Variants in CAMKMT observed in about 807,000 individuals in gnomAD.
CAMKMT encodes calmodulin-lysine N-methyltransferase.
Under a neutral mutation model 48.0 loss-of-function variants are expected in CAMKMT, and 53 were observed. That is an observed-to-expected ratio of 1.10 (90% CI 0.89 to 1.39). CAMKMT has a LOEUF of 1.39. CAMKMT is among the 40% of genes most tolerant of loss of function. The pLI is 0.00. For synonymous variants in CAMKMT, 165 were observed against 152.3 expected, an observed-to-expected ratio of 1.08 and a Z score of -0.61; for missense variants, 428 against 402.7, an observed-to-expected ratio of 1.06 and a Z score of -0.54.
chr2:44,436,454 T>C lies in CAMKMT; in HGVS notation c.376+46149T>C, dbSNP rs573635822. Reference sequence around the variant, plus strand: ...AAAGGGGACACCAATTTCCAAGGCATGCTAGGCTGGGATCATTTCAGACAA... The same window carrying C: ...AAAGGGGACACCAATTTCCAAGGCACGCTAGGCTGGGATCATTTCAGACAA... On this transcript the variant is annotated intron_variant, in intron 3 of 10. Coordinates refer to ENST00000378494, the MANE Select transcript of CAMKMT (RefSeq NM_024766.5). Among the ~76,000 whole-genome samples, 35 of 152,294 alleles carry C rather than the reference T, an allele frequency of 2.3e-4. 1 individual carries two copies. In the South Asian group the frequency reaches 6.8e-3, roughly 30 times the overall value.
chr2:44,634,579 T>C (rs1673014049), intron 3 of CAMKMT, among the ~76,000 whole-genome samples: 1 of 152,028 alleles, frequency 6.6e-6, no homozygotes, highest in Admixed American at 6.6e-5. Context: ...GTACCTACGA[T>C]GTGCTAGGTA....
chr2:44,507,753 G>T (rs1011436952), intron 3 of CAMKMT, among the ~76,000 whole-genome samples: 1 of 152,170 alleles, frequency 6.6e-6, no homozygotes, highest in African/African-American at 2.4e-5. Context: ...CAAAGCACTA[G>T]ACTGAGAGGA....
chr2:44,688,204 G>C (rs1676446632), intron 3 of CAMKMT, among the ~76,000 whole-genome samples: 1 of 151,918 alleles, frequency 6.6e-6, no homozygotes, highest in Non-Finnish European at 1.5e-5. Context: ...AAAAAAAAAA[G>C]GTGTTAAAGA....
At chr2:44,648,817 C>A (rs1283594272) in intron 3 of CAMKMT, among the ~76,000 whole-genome samples, 1 of 152,144 alleles carries the variant, frequency 6.6e-6, no homozygotes, top group Non-Finnish European at 1.5e-5. Context: ...CAGCTTTCTC[C>A]CCTAGACTAC....
At chr2:44,655,741 G>A (rs1251569464) in intron 3 of CAMKMT, among the ~76,000 whole-genome samples, 2 of 152,190 alleles carry the variant, frequency 1.3e-5, no homozygotes, top group Non-Finnish European at 2.9e-5. Flanking sequence ...AGGAGACAGG[G>A]GAGGCGGGGA....
At chr2:44,529,417 C>G (rs1323268102) in intron 3 of CAMKMT, among the ~76,000 whole-genome samples, 1 of 152,060 alleles carries the variant, frequency 6.6e-6, no homozygotes, top group Non-Finnish European at 1.5e-5. Flanking sequence ...AGGAGTATAC[C>G]TACCATGTAA....
chr2:44,662,801 C>T (rs563861777), intron 3 of CAMKMT, among the ~76,000 whole-genome samples: 1 of 152,184 alleles, frequency 6.6e-6, no homozygotes, highest in South Asian at 2.1e-4. Flanking sequence ...TGGGCTCAAG[C>T]GACTTTCCTA....
intron 3 of CAMKMT, among the ~76,000 whole-genome samples, chr2:44,616,559 AG>A (rs1460388998): frequency 6.6e-6 from 1 of 152,154 alleles, no homozygotes; most frequent in African/African-American, 2.4e-5. Flanking sequence ...TCACCAGAAA[AG>A]GTGATCATTT....
At chr2:44,768,361 A>ATATATATATATATATATATATTTT (rs35058824) in intron 10 of CAMKMT, among the ~76,000 whole-genome samples, 2 of 115,726 alleles carry the variant, frequency 1.7e-5, no homozygotes, top group African/African-American at 7.4e-5. Flanking sequence ...ATATATATAT[A>ATATATATATATATATATATATTTT]TTTTTTTTTT....
chr2:44,720,085 C>G (rs532802441), intron 7 of CAMKMT, among the ~76,000 whole-genome samples: 1 of 152,264 alleles, frequency 6.6e-6, no homozygotes, highest in African/African-American at 2.4e-5. Flanking sequence ...TAGATGGGCT[C>G]ATATCCCTAC....
chr2:44,370,261 T>G (rs990143602), intron 1 of CAMKMT, among the ~76,000 whole-genome samples: 4 of 152,248 alleles, frequency 2.6e-5, no homozygotes, highest in Non-Finnish European at 5.9e-5. Context: ...CATTAATTCT[T>G]ACTCAGACAT....
chr2:44,700,046 C>A (rs1245287279), intron 3 of CAMKMT, among the ~76,000 whole-genome samples: 1 of 152,232 alleles, frequency 6.6e-6, no homozygotes, highest in Non-Finnish European at 1.5e-5. Context: ...TAACTTGCTA[C>A]AGCTTCTACA....
At chr2:44,665,869 G>A (rs79837769) in intron 3 of CAMKMT, among the ~76,000 whole-genome samples, 4,032 of 152,282 alleles carry the variant, frequency 0.026, 186 homozygotes, top group African/African-American at 0.092. Flanking sequence ...AACACTGGCA[G>A]CAGGGATGGA....
intron 9 of CAMKMT, among the ~76,000 whole-genome samples, chr2:44,755,733 C>T (rs1288828654): frequency 2.0e-5 from 3 of 152,196 alleles, no homozygotes; most frequent in Non-Finnish European, 2.9e-5. Flanking sequence ...AAACCCTGAA[C>T]ACACTCCCTC....
intron 3 of CAMKMT, among the ~76,000 whole-genome samples, chr2:44,519,930 G>A (rs1671015099): frequency 6.6e-6 from 1 of 152,070 alleles, no homozygotes; most frequent in African/African-American, 2.4e-5. Flanking sequence ...TAGTTGAGAT[G>A]GCCGGGCGCG....
At chr2:44,443,146 A>T (rs911085567) in intron 3 of CAMKMT, among the ~76,000 whole-genome samples, 1 of 152,214 alleles carries the variant, frequency 6.6e-6, no homozygotes, top group East Asian at 1.9e-4. Flanking sequence ...TCAAAATCTA[A>T]AGTGTGAAAA....
At chr2:44,683,591 C>A (rs534000890) in intron 3 of CAMKMT, among the ~76,000 whole-genome samples, 1 of 151,988 alleles carries the variant, frequency 6.6e-6, no homozygotes, top group African/African-American at 2.4e-5. Context: ...GAGGCCGAGG[C>A]GGGCGGATCG....
At chr2:44,501,920 A>T (rs75636798) in intron 3 of CAMKMT, among the ~76,000 whole-genome samples, 1 of 152,210 alleles carries the variant, frequency 6.6e-6, no homozygotes, top group Non-Finnish European at 1.5e-5. Context: ...CAACAAAAAC[A>T]AAAAAGCAAA....
chr2:44,615,396 G>C (rs772747198), intron 3 of CAMKMT, among the ~76,000 whole-genome samples: 1 of 152,154 alleles, frequency 6.6e-6, no homozygotes, highest in Non-Finnish European at 1.5e-5. Context: ...ACTGAATTAC[G>C]GCTATGGCCA....
Sources: allele counts gnomAD v4.1 joint callset (sites outside exome capture counted in the v4.1 genomes callset), GRCh38; gene constraint gnomAD v4.1.1; transcripts MANE v1.5; gene names NCBI Gene and HGNC (gene_info 2026-07-23, HGNC 2026-07-21).